The following AUH variants were observed in gnomAD, a reference collection of about 807,000 sequenced individuals.
The protein encoded by AUH is AU RNA binding methylglutaconyl-CoA hydratase.
In AUH, 29 loss-of-function variants were observed where a neutral mutation model predicts 42.3. That is an observed-to-expected ratio of 0.69 (90% CI 0.51 to 0.93). AUH has a LOEUF of 0.93. Among genes scored for constraint, AUH ranks in the 40% least tolerant of loss-of-function variants. The pLI is 0.00. For missense variants in AUH, 452 were observed against 438.1 expected (o/e 1.03, Z -0.28); for synonymous variants, 174 against 166.4 (o/e 1.05, Z -0.35).
intron 3 of AUH, among the ~76,000 whole-genome samples, chr9:91,332,806 A>T (rs867787146): frequency 5.9e-5 from 9 of 152,204 alleles, no homozygotes; most frequent in African/African-American, 2.2e-4. Context: ...ATGCACTTTC[A>T]TGGGTCATGT....
chr9:91,322,537 A>C (rs1829662673), intron 4 of AUH, among the ~76,000 whole-genome samples: 1 of 152,232 alleles, frequency 6.6e-6, no homozygotes, highest in South Asian at 2.1e-4. Flanking sequence ...GTATTTTTTA[A>C]ATTTTAATTC....
chr9:91,216,289 T>C (rs1826816499), intron 8 of AUH, among the ~76,000 whole-genome samples, 183 bp from the exon 9 acceptor site: 2 of 152,180 alleles, frequency 1.3e-5, no homozygotes, highest in African/African-American at 2.4e-5. Flanking sequence ...CCTGACTCCC[T>C]CACTTGGGAG....
intron 7 of AUH, chr9:91,218,958 C>G: frequency 1.0e-6 from 1 of 985,274 alleles, no homozygotes; most frequent in South Asian, 4.7e-5. Context: ...TTTGTTTGAC[C>G]TGGAGGAAAA....
At chr9:91,217,425 G>T in intron 7 of AUH, 98 bp from the exon 8 acceptor site, 1 of 1,287,046 alleles carries the variant, frequency 7.8e-7, no homozygotes, top group Non-Finnish European at 1.1e-6. Flanking sequence ...TGGATCCATT[G>T]CACAGCCAGC....
Position 91,216,072 on chromosome 9 carries a change from G to C in AUH, c.929C>G (p.Ala310Gly). Residue 310 changes from alanine to glycine, a missense_variant, in exon 9 of 10, where the codon GCT becomes GGT. Ala to Gly is a moderately conservative substitution (Grantham distance 60). Transcript: ENST00000375731. ...TGCATTACATACCTGAGCATAACAA[G>C]CTTCTTCTATGGCTAACCCTGTTAC... The part of the protein sequence containing the change: ...DLVTGLAIEE[A>G]CYAQTIPTKD... The C allele has an allele frequency of 6.2e-7, 1 of 1,612,648 alleles. No homozygotes were observed.
At position 91,220,894 on chromosome 9, in the gene AUH, C is replaced by T; in HGVS notation, c.754G>A (p.Gly252Ser). 1 of 1,614,244 alleles carries T rather than the reference C, an allele frequency of 6.2e-7. No individual in the cohort carries two copies. Among genetic ancestry groups the T allele is most frequent in the Non-Finnish European group, 8.5e-7 (1 of 1,180,054 alleles). The change falls in exon 7 of 10, where the codon GGC (glycine) becomes AGC (serine). Residue 252 changes from glycine (G) to serine (S), a missense_variant. Coordinates refer to ENST00000375731, the MANE Select transcript of AUH (RefSeq NM_001698.3). ...TGTTCCAGAACGTGGCTGATTAAGCCCACTGCTTTGGCTTCTTTGCCATCG... is the reference window on the plus strand; with the variant it reads ...TGTTCCAGAACGTGGCTGATTAAGCTCACTGCTTTGGCTTCTTTGCCATCG... Reference protein sequence around the residue: ...VLDGKEAKAVGLISHVLEQNQ... With the variant: ...VLDGKEAKAVSLISHVLEQNQ...
intron 6 of AUH, among the ~76,000 whole-genome samples, chr9:91,259,421 T>C (rs758163630): frequency 1.3e-5 from 2 of 152,056 alleles, no homozygotes; most frequent in Non-Finnish European, 2.9e-5. Context: ...ATTTCCTTGA[T>C]CAGGTTGGCT....
chr9:91,243,741 C>T (rs1016960972), intron 6 of AUH, among the ~76,000 whole-genome samples: 5 of 152,138 alleles, frequency 3.3e-5, no homozygotes, highest in African/African-American at 1.2e-4. Flanking sequence ...GGTGGAGCAG[C>T]CCACTTTTTT....
intron 6 of AUH, among the ~76,000 whole-genome samples, chr9:91,250,980 G>A (rs990772752): frequency 1.3e-5 from 2 of 152,190 alleles, no homozygotes; most frequent in African/African-American, 4.8e-5. Flanking sequence ...CTCGTGGGTG[G>A]AGTGGCAGCT....
rs28523966 is a variant in AUH, at chr9:91,250,463, T to C, written c.656-29471A>G. Among the ~76,000 whole-genome samples the C allele has an allele frequency of 5.9e-3, 904 of 152,320 alleles. 9 individuals carry two copies. The highest frequency in any genetic ancestry group is 0.021 in the African/African-American group (862 of 41,570). ...GCAGGAGAACTTGCCCCTTGCCTTT[T>C]CCACACACGGAGACAGGTGAGTCTC... On this transcript the variant is annotated intron_variant, in intron 6 of 9. Coordinates refer to ENST00000375731, the MANE Select transcript of AUH (RefSeq NM_001698.3).
intron 2 of AUH, 35 bp downstream of exon 2, chr9:91,356,053 A>G: frequency 6.2e-7 from 1 of 1,600,442 alleles, no homozygotes; most frequent in Non-Finnish European, 8.6e-7. Context: ...ATATATCTTA[A>G]TATTAGAAGC....
At chr9:91,273,640 C>T (rs954065425) in intron 6 of AUH, among the ~76,000 whole-genome samples, 1 of 152,156 alleles carries the variant, frequency 6.6e-6, no homozygotes, top group African/African-American at 2.4e-5. Context: ...GTATTTAAAA[C>T]CCTCTGTCTT....
intron 6 of AUH, among the ~76,000 whole-genome samples, chr9:91,249,292 CAAAAAAAAAAAAAAA>C (rs59102669): frequency 2.5e-4 from 8 of 32,504 alleles, no homozygotes; most frequent in South Asian, 1.7e-3. Context: ...GAACCTGTCT[CAAAAAAAAAAAAAAA>C]AAAAAAAAAA....
intron 3 of AUH, among the ~76,000 whole-genome samples, chr9:91,335,265 C>G (rs1830613846): frequency 6.6e-6 from 1 of 152,134 alleles, no homozygotes; most frequent in Non-Finnish European, 1.5e-5. Context: ...TCTGGTATTA[C>G]TAGTTTTCTA....
At chr9:91,257,725 T>C (rs1326959466) in intron 6 of AUH, among the ~76,000 whole-genome samples, 1 of 152,204 alleles carries the variant, frequency 6.6e-6, no homozygotes, top group Non-Finnish European at 1.5e-5. Flanking sequence ...AATCAGGTAG[T>C]GTTTAATCTA....
intron 5 of AUH, among the ~76,000 whole-genome samples, chr9:91,297,295 G>A (rs1245499172): frequency 6.6e-6 from 1 of 152,196 alleles, no homozygotes; most frequent in Non-Finnish European, 1.5e-5. Flanking sequence ...CATGTCAAGT[G>A]CTAGAATAAC....
Position 91,215,974 on chromosome 9 carries a change from C to T in AUH, c.942+85G>A, listed in dbSNP as rs1826796413. Reference sequence around the variant, plus strand: ...TGGAATGGGCGCAAGGGTAATCTTGCTCAGTGAAATTCATTTGAATTATAC... The same window carrying T: ...TGGAATGGGCGCAAGGGTAATCTTGTTCAGTGAAATTCATTTGAATTATAC... On this transcript the variant is annotated intron_variant, in intron 9 of 9. Coordinates refer to ENST00000375731, the MANE Select transcript of AUH (RefSeq NM_001698.3). 3 of 1,401,678 alleles carry T rather than the reference C, an allele frequency of 2.1e-6. No individual in the cohort carries two copies. In the East Asian group the frequency reaches 6.8e-5, roughly 32 times the overall value. 86.8% of individuals were successfully genotyped at this position (1,401,678 alleles called of 1,614,324 possible). A position where few individuals can be genotyped will look rare whatever the true frequency, so the allele number is the denominator to read the frequency against.
Position 91,325,322 on chromosome 9 carries a change from A to C in AUH, c.501T>G (p.Asp167Glu). 1.9e-6 allele frequency: 3 copies of C among 1,613,452 alleles called. No individual in the cohort carries two copies. Among genetic ancestry groups the C allele is most frequent in the Non-Finnish European group, 2.5e-6 (3 of 1,179,498 alleles). ...FVSKIRAVIN[D>E]IANLPVPTIA... The stretch of plus-strand genomic sequence containing the variant: ...GAAGAACTTAATAGTGCTTACCAAT[A>C]TCGTTAATCACTGCTCTTATTTTGG... The change falls in exon 4 of 10, where the codon GAT becomes GAG. Residue 167 changes from aspartate to glutamate, a missense_variant. Asp to Glu is a conservative substitution (Grantham distance 45). Transcript: ENST00000375731.
intron 4 of AUH, among the ~76,000 whole-genome samples, chr9:91,315,872 T>C (rs1432098345): frequency 6.6e-6 from 1 of 152,202 alleles, no homozygotes; most frequent in African/African-American, 2.4e-5. Context: ...TGTGTGTGTA[T>C]ATGTTGATTT....
Sources: gnomAD v4.1 joint callset for allele counts (sites outside exome capture counted in the v4.1 genomes callset) on GRCh38, gnomAD v4.1.1 for gene constraint, MANE v1.5 for transcripts, NCBI Gene and HGNC (gene_info 2026-07-23, HGNC 2026-07-21) for gene names.